Variants in AFTPH observed in about 807,000 individuals in gnomAD.
The protein encoded by AFTPH is aftiphilin protein.
In AFTPH, 7 loss-of-function variants were observed where a neutral mutation model predicts 72.5. That is an observed-to-expected ratio of 0.10 (90% CI 0.05 to 0.18). The LOEUF (loss-of-function observed/expected upper bound fraction) is 0.18, where lower values mean the gene tolerates loss of function less well. AFTPH is among the 10% of genes least tolerant of loss of function. The pLI, the probability that AFTPH is intolerant of heterozygous loss-of-function variation, is 1.00. For missense variants in AFTPH, 979 were observed against 1,060.5 expected (o/e 0.92, Z 1.07); for synonymous variants, 337 against 370.1 (o/e 0.91, Z 1.03).
At chr2:64,547,075 A>G (rs540176008) in intron 1 of AFTPH, among the ~76,000 whole-genome samples, 4 of 152,172 alleles carry the variant, frequency 2.6e-5, no homozygotes, top group East Asian at 1.9e-4. Flanking sequence ...ACATACATAC[A>G]TACTACCATC....
chr2:64,591,763 A>G (rs531583576), intron 8 of AFTPH, 125 bp from the exon 10 acceptor site: 3 of 986,096 alleles, frequency 3.0e-6, no homozygotes, highest in Non-Finnish European at 4.6e-6. Flanking sequence ...TTCAGGAACT[A>G]GCAGAGGAAA....
chr2:64,581,898 A>G (rs1205998159), intron 7 of AFTPH, among the ~76,000 whole-genome samples: 1 of 152,244 alleles, frequency 6.6e-6, no homozygotes, highest in Non-Finnish European at 1.5e-5. Flanking sequence ...ATAGTAGAAA[A>G]TAATTGCTAT....
rs766564086 is a variant in AFTPH, at chr2:64,552,308, A to C, written c.834A>C (p.Glu278Asp). The C allele has an allele frequency of 8.7e-6, 14 of 1,614,028 alleles. No individual in the cohort carries two copies. The African/African-American group carries it at 9.3e-5, about 11-fold the overall frequency. Residue 278 changes from glutamate (E) to aspartate (D), a missense_variant, in exon 2 of 9, where the codon GAA becomes GAC. Around this residue, in one of 3 missense-constraint regions of AFTPH, gnomAD observed 498 missense variants for 467.6 expected, o/e 1.06. Transcript: ENST00000238856. ...TCAATGAACTGAATTCTGTAAAAGA[A>C]GTGGCTTTGGGTAGAAGCTTGGATA...
chr2:64,550,680 CA>C (rs1670980922), intron 1 of AFTPH, among the ~76,000 whole-genome samples: 1 of 24,264 alleles, frequency 4.1e-5, no homozygotes, highest in Admixed American at 2.8e-4. Flanking sequence ...TACGCATGCA[CA>C]CACACACACA....
At chr2:64,575,703 ATGTGTGTGTGTGTGTGTGTGTG>A (rs149890368) in intron 6 of AFTPH, among the ~76,000 whole-genome samples, 8 of 145,816 alleles carry the variant, frequency 5.5e-5, no homozygotes, top group Middle Eastern at 3.4e-3. Context: ...ATGTGTGTAT[ATGTGTGTGTGTGTGTGTGTGTG>A]TGTGTGTGTG....
chr2:64,564,640 T>TGAA (rs1558618097), intron 2 of AFTPH, among the ~76,000 whole-genome samples: 2,176 of 61,014 alleles, frequency 0.036, 24 homozygotes, highest in Non-Finnish European at 0.053. Flanking sequence ...AAAAATAAAA[T>TGAA]AAATAAATGC....
intron 1 of AFTPH, among the ~76,000 whole-genome samples, chr2:64,548,433 A>AAAAAAAAAAAAAAAAAAAAAAAAC (rs1243472946): frequency 2.0e-5 from 2 of 102,542 alleles, no homozygotes; most frequent in African/African-American, 3.6e-5. Context: ...AAAAAAAAAA[A>AAAAAAAAAAAAAAAAAAAAAAAAC]AACTTTAGAA....
In AFTPH at chr2:64,566,168, G is replaced by A. The variant is rs575970885; in HGVS notation, c.1936-1394G>A. 2.0e-5 allele frequency among the ~76,000 whole-genome samples: 3 copies of A among 152,292 alleles called. No individual in the cohort carries two copies. In the South Asian group the frequency reaches 6.2e-4, roughly 32 times the overall value. On this transcript the variant is annotated intron_variant, in intron 2 of 8. Transcript: ENST00000238856. ...AATGTCTGTCCGTTCTCTCTGTTGA[G>A]GCAAGTGAGAGCAAGGGCCCCTTGA...
intron 1 of AFTPH, chr2:64,525,421 C>G (rs1421815139): frequency 6.5e-6 from 1 of 154,178 alleles, no homozygotes; most frequent in African/African-American, 2.4e-5. Context: ...TGAATCTTTT[C>G]TGTTGGGGCC....
chr2:64,570,649 TG>T (rs1672356592), intron 5 of AFTPH, among the ~76,000 whole-genome samples: 1 of 152,202 alleles, frequency 6.6e-6, no homozygotes, highest in South Asian at 2.1e-4. Flanking sequence ...TTTAACTTTT[TG>T]GTTATTTGGA....
At chr2:64,581,796 G>C (rs1673222094) in intron 7 of AFTPH, among the ~76,000 whole-genome samples, 1 of 152,088 alleles carries the variant, frequency 6.6e-6, no homozygotes, top group African/African-American at 2.4e-5. Context: ...TAAGTATATA[G>C]TCCCACATAG....
At chr2:64,582,324 C>CA (rs2104205881) in intron 7 of AFTPH, among the ~76,000 whole-genome samples, 1 of 152,310 alleles carries the variant, frequency 6.6e-6, no homozygotes, top group East Asian at 1.9e-4. Flanking sequence ...GGGAGACTAA[C>CA]AGTCAGCTCA....
intron 1 of AFTPH, among the ~76,000 whole-genome samples, chr2:64,542,349 T>A (rs923576760): frequency 6.6e-6 from 1 of 152,178 alleles, no homozygotes; most frequent in South Asian, 2.1e-4. Context: ...GAGGAATACG[T>A]AGGGAATACC....
intron 2 of AFTPH, among the ~76,000 whole-genome samples, chr2:64,563,724 C>A (rs1227670474): frequency 6.6e-6 from 1 of 152,156 alleles, no homozygotes; most frequent in Non-Finnish European, 1.5e-5. Flanking sequence ...TTTGCCTGGG[C>A]CTCCCCAAGT....
intron 1 of AFTPH, among the ~76,000 whole-genome samples, chr2:64,527,316 C>T (rs1387382635): frequency 6.6e-6 from 1 of 152,156 alleles, no homozygotes; most frequent in African/African-American, 2.4e-5. Context: ...CATGGTGGCT[C>T]ACACCTGTAA....
chr2:64,529,546 A>G (rs1200245953), intron 1 of AFTPH, among the ~76,000 whole-genome samples: 1 of 152,030 alleles, frequency 6.6e-6, no homozygotes, highest in Non-Finnish European at 1.5e-5. Flanking sequence ...TAGTGGGTGT[A>G]TACATATTTA....
chr2:64,531,919 TAACTC>T (rs1669651491), intron 1 of AFTPH, among the ~76,000 whole-genome samples: 2 of 152,224 alleles, frequency 1.3e-5, no homozygotes, highest in Admixed American at 6.5e-5. Context: ...AAGATTAACT[TAACTC>T]TTATAGAAAG....
At chr2:64,551,498 G>A (rs1377224071) in exon 2 of AFTPH, 22 of 1,613,764 alleles carry the variant, frequency 1.4e-5, no homozygotes, top group Non-Finnish European at 1.9e-5. Context: ...TCATTCGAAT[G>A]TACTCTTCAT....
chr2:64,542,043 C>G (rs1018921748), intron 1 of AFTPH, among the ~76,000 whole-genome samples: 8 of 152,172 alleles, frequency 5.3e-5, no homozygotes, highest in African/African-American at 1.9e-4. Context: ...TAGAGTGAAG[C>G]TGGGTTGTAT....
Sources: gnomAD v4.1 joint callset for allele counts (sites outside exome capture counted in the v4.1 genomes callset) on GRCh38, gnomAD v4.1.1 for gene constraint, gnomAD v4.1.1 regional missense constraint, MANE v1.5 for transcripts, NCBI Gene and HGNC (gene_info 2026-07-23, HGNC 2026-07-21) for gene names.